Variants in EHMT1 observed in about 807,000 individuals in gnomAD.
EHMT1 encodes euchromatic histone lysine methyltransferase 1, also known as histone-lysine N-methyltransferase EHMT1.
EHMT1 carries 15 observed loss-of-function variants against 147.2 expected under a neutral mutation model. The observed-to-expected ratio is 0.10, with a 90% confidence interval of 0.07 to 0.16. The LOEUF is 0.16. Among genes scored for constraint, EHMT1 ranks in the 10% least tolerant of loss-of-function variants. The pLI, the probability that EHMT1 is intolerant of heterozygous loss-of-function variation, is 1.00. For synonymous variants in EHMT1, 795 were observed against 709.6 expected (o/e 1.12, Z -1.91); for missense variants, 1,587 against 1,772.4 (o/e 0.90, Z 1.88).
chr9:137,766,506 T>TTGC lies in EHMT1; in HGVS notation c.1647+3688_1647+3689insCTG, dbSNP rs1205458845. On this transcript the variant is annotated intron_variant, in intron 10 of 26. Coordinates refer to ENST00000460843, the MANE Select transcript of EHMT1 (RefSeq NM_024757.5). ...GGCGCCTGCCTGTAGTCCCAGCTAC[T>TTGC]TGGGAGGCTGAGGCAGGAGAATTGC... Among the ~76,000 whole-genome samples, 7 of 152,226 alleles carry TTGC rather than the reference T, an allele frequency of 4.6e-5. No homozygotes were observed. In the East Asian group the frequency reaches 1.4e-3, roughly 29 times the overall value.
Position 137,834,483 on chromosome 9 carries a change from C to T in EHMT1, c.3675C>T (p.Ala1225=). Residue 1225 remains alanine, a synonymous_variant, in exon 26 of 27, where the codon GCC becomes GCT. Coordinates refer to ENST00000460843, the MANE Select transcript of EHMT1 (RefSeq NM_024757.5). ...AGGACCTGCGGTTCCCCCGGATCGC[C>T]TTCTTCAGCACCCGCCTGATCGAGG... ...AHQDLRFPRI[A]FFSTRLIEAG... The T allele has an allele frequency of 8.7e-6, 14 of 1,612,568 alleles. No homozygotes were observed. Among genetic ancestry groups the T allele is most frequent in the Non-Finnish European group, 1.2e-5 (14 of 1,179,788 alleles).
At chr9:137,766,484 G>A (rs989441033) in intron 10 of EHMT1, among the ~76,000 whole-genome samples, 2 of 152,080 alleles carry the variant, frequency 1.3e-5, no homozygotes, top group East Asian at 1.9e-4. Flanking sequence ...TTGTGGTGGC[G>A]CCTGCCTGTA....
chr9:137,780,174 A>G (rs1328371741), intron 14 of EHMT1, among the ~76,000 whole-genome samples: 1 of 108,282 alleles, frequency 9.2e-6, no homozygotes, highest in Non-Finnish European at 1.7e-5. Flanking sequence ...TGATGACGGC[A>G]TCACTGAGAT....
At chr9:137,805,317 G>A (rs767887689) in intron 18 of EHMT1, among the ~76,000 whole-genome samples, 13 of 149,784 alleles carry the variant, frequency 8.7e-5, no homozygotes, top group Admixed American at 4.6e-4. Context: ...TGAGTCTGTC[G>A]TCCACATGTA....
chr9:137,776,491 AC>A lies in EHMT1; in HGVS notation c.1792-123del, dbSNP rs1950970420. On this transcript the variant is annotated intron_variant, in intron 11 of 26. Transcript: ENST00000460843. The surrounding 1 kb of genome is among the most constrained non-coding windows in gnomAD (Gnocchi z 4.4). Reference sequence around the variant, plus strand: ...ATGCCTGGGGCCAAGACTGGACCCCACCCCGACCCATGGCTCACTCTGCAGA... The same window carrying A: ...ATGCCTGGGGCCAAGACTGGACCCCACCCGACCCATGGCTCACTCTGCAGA... 8 of 888,250 alleles carry A rather than the reference AC, an allele frequency of 9.0e-6. No individual in the cohort carries two copies. Among genetic ancestry groups the A allele is most frequent in the South Asian group, 1.4e-5 (1 of 69,172 alleles). The allele number at this position is 888,250 out of a possible 1,614,324, so 55.0% of individuals were successfully genotyped here.
At chr9:137,668,444 C>T (rs1415180732) in intron 1 of EHMT1, among the ~76,000 whole-genome samples, 1 of 152,110 alleles carries the variant, frequency 6.6e-6, no homozygotes, top group African/African-American at 2.4e-5. Flanking sequence ...CCTACTCATC[C>T]ATTCACCTGT....
intron 18 of EHMT1, among the ~76,000 whole-genome samples, chr9:137,809,297 G>A (rs1333879018): frequency 6.6e-6 from 1 of 152,228 alleles, no homozygotes; most frequent in Non-Finnish European, 1.5e-5. Context: ...TGCACGGTGT[G>A]GAGTTGGGAG....
At chr9:137,771,317 A>C (rs1388058373) in intron 10 of EHMT1, among the ~76,000 whole-genome samples, 1 of 149,798 alleles carries the variant, frequency 6.7e-6, no homozygotes, top group Non-Finnish European at 1.5e-5. Context: ...CTTGTGCCTC[A>C]GCCTCCCAAG....
rs1313216933 is a variant in EHMT1 at position 137,813,364 on chromosome 9, A to G, written c.3036-22A>G. ...GGCAGAGCACGTCAGCCACCAGGTG[A>G]CACCTGTCCTTTCCATGGCAGGGAC... is the stretch of plus-strand genomic sequence containing the variant. On this transcript the variant is annotated intron_variant, in intron 20 of 26. Transcript: ENST00000460843. The surrounding 1 kb of genome is among the most constrained non-coding windows in gnomAD (Gnocchi z 4.9). 6.2e-7 allele frequency: 1 copy of G among 1,605,396 alleles called. No homozygotes were observed.
chr9:137,812,367 T>G (rs1387623843), intron 19 of EHMT1, among the ~76,000 whole-genome samples: 2 of 152,092 alleles, frequency 1.3e-5, no homozygotes, highest in African/African-American at 4.8e-5. Context: ...AAAAAAAGCT[T>G]GAGACCTTGA....
intron 1 of EHMT1, among the ~76,000 whole-genome samples, chr9:137,691,506 A>G (rs1195890783): frequency 1.3e-5 from 2 of 151,968 alleles, no homozygotes; most frequent in East Asian, 1.9e-4. Flanking sequence ...AATGGACTAC[A>G]TTTTGTTTGT....
At chr9:137,619,593 T>TC (rs985255461) in intron 1 of EHMT1, among the ~76,000 whole-genome samples, 7 of 152,020 alleles carry the variant, frequency 4.6e-5, no homozygotes, top group Non-Finnish European at 1.0e-4. Flanking sequence ...GGCGTGTTTC[T>TC]CCCCAGACAA....
Position 137,798,931 on chromosome 9 carries a change from C to T in EHMT1, c.2607+17C>T, listed in dbSNP as rs771635511. On this transcript the variant is annotated intron_variant, in intron 17 of 26. Coordinates refer to ENST00000460843, the MANE Select transcript of EHMT1 (RefSeq NM_024757.5). Reference sequence around the variant, plus strand: ...AACTGTCAGGTACAGCCACCCCCTCCCCTTAGCAGTACACTGTGTGGACTG... The same window carrying T: ...AACTGTCAGGTACAGCCACCCCCTCTCCTTAGCAGTACACTGTGTGGACTG... 6.3e-7 allele frequency: 1 copy of T among 1,590,526 alleles called. No homozygotes were observed. The highest frequency in any genetic ancestry group is 8.6e-7 in the Non-Finnish European group (1 of 1,158,780).
intron 10 of EHMT1, chr9:137,763,965 TCAC>T (rs1267440416): frequency 6.6e-6 from 1 of 152,562 alleles, no homozygotes; most frequent in African/African-American, 2.4e-5. Context: ...CCCATGGCCC[TCAC>T]CCTGGTGCCT....
chr9:137,709,611 C>T (rs1176734024), intron 1 of EHMT1, among the ~76,000 whole-genome samples: 2 of 152,138 alleles, frequency 1.3e-5, no homozygotes, highest in African/African-American at 4.8e-5. Context: ...TGTTGAGAGG[C>T]CCCATTGTTG....
At chr9:137,644,193 C>T (rs1482951683) in intron 1 of EHMT1, among the ~76,000 whole-genome samples, 2 of 152,154 alleles carry the variant, frequency 1.3e-5, no homozygotes, top group African/African-American at 4.8e-5. Context: ...CTCTGGGAAG[C>T]TGCTCAGCTT....
chr9:137,824,648 A>C (rs1339850814), intron 25 of EHMT1, among the ~76,000 whole-genome samples: 1 of 152,126 alleles, frequency 6.6e-6, no homozygotes, highest in Non-Finnish European at 1.5e-5. Context: ...TTTGAGTTTG[A>C]TATTGAGTTT....
chr9:137,710,973 C>G lies in EHMT1; in HGVS notation c.28C>G (p.Pro10Ala). The G allele has an allele frequency of 6.3e-7, 1 of 1,597,224 alleles. No homozygotes were observed. Among genetic ancestry groups the G allele is most frequent in the Non-Finnish European group, 8.5e-7 (1 of 1,172,616 alleles). Residue 10 changes from proline (P) to alanine (A), a missense_variant, in exon 2 of 27, where the codon CCG becomes GCG. By Grantham distance (27) the Pro-to-Ala change is conservative. Around this residue, in one of 7 missense-constraint regions of EHMT1, gnomAD observed 810 missense variants for 673.0 expected, o/e 1.20. Coordinates refer to ENST00000460843, the MANE Select transcript of EHMT1 (RefSeq NM_024757.5). MAAADAEAV[P>A]ARGEPQQDCC... ...TGTTGTTTCTCTCTAACAGGCAGTT[C>G]CGGCGAGGGGGGAGCCTCAGCAGGA...
intron 10 of EHMT1, among the ~76,000 whole-genome samples, chr9:137,765,045 T>C (rs1950125245): frequency 6.6e-6 from 1 of 152,274 alleles, no homozygotes; most frequent in African/African-American, 2.4e-5. Context: ...GGAGCGGTGC[T>C]GAGAAGGCTC....
Sources: allele counts gnomAD v4.1 joint callset (sites outside exome capture counted in the v4.1 genomes callset), GRCh38; gene constraint gnomAD v4.1.1; regional missense constraint gnomAD v4.1.1; non-coding constraint Gnocchi (gnomAD v3.1); transcripts MANE v1.5; gene names NCBI Gene and HGNC (gene_info 2026-07-23, HGNC 2026-07-21).